Variants in SLC9A9 observed in about 807,000 individuals in gnomAD.
SLC9A9 encodes solute carrier family 9 member A9, also known as sodium/hydrogen exchanger 9.
In SLC9A9, 62 loss-of-function variants were observed where a neutral mutation model predicts 77.8. The ratio of observed to expected loss-of-function variants is 0.80; its 90% CI spans 0.65 to 0.98. The LOEUF is 0.98. Ranked by LOEUF, SLC9A9 falls within the 50% of genes least tolerant of loss-of-function variation. The pLI is 0.00. For missense variants in SLC9A9, 775 were observed against 774.9 expected, an observed-to-expected ratio of 1.00 and a Z score of 0.00; for synonymous variants, 320 against 283.5, an observed-to-expected ratio of 1.13 and a Z score of -1.29.
chr3:143,791,076 G>A (rs1322664593), intron 4 of SLC9A9, among the ~76,000 whole-genome samples: 1 of 152,184 alleles, frequency 6.6e-6, no homozygotes, highest in African/African-American at 2.4e-5. Flanking sequence ...TCCCCAAGAT[G>A]GAGGACATGA....
intron 4 of SLC9A9, among the ~76,000 whole-genome samples, chr3:143,754,930 G>C (rs745782641): frequency 6.6e-6 from 1 of 152,074 alleles, no homozygotes; most frequent in Non-Finnish European, 1.5e-5. Flanking sequence ...TCCCCCTGTC[G>C]CCTAACATAG....
intron 5 of SLC9A9, among the ~76,000 whole-genome samples, chr3:143,688,804 C>T (rs1031898310): frequency 6.6e-6 from 1 of 152,020 alleles, no homozygotes; most frequent in Non-Finnish European, 1.5e-5. Context: ...CAAAATAAAA[C>T]ATGACAAACC....
intron 4 of SLC9A9, among the ~76,000 whole-genome samples, chr3:143,699,621 G>A (rs571462483): frequency 6.6e-6 from 1 of 152,290 alleles, no homozygotes; most frequent in Non-Finnish European, 1.5e-5. Context: ...TTTCCACAGA[G>A]GAAGTATAAA....
intron 9 of SLC9A9, chr3:143,517,389 A>T: frequency 6.7e-7 from 1 of 1,484,844 alleles, no homozygotes; most frequent in Non-Finnish European, 9.3e-7. Flanking sequence ...CCACCTGGAA[A>T]AGAGCCATAC....
At chr3:143,494,937 A>C (rs963400484) in intron 10 of SLC9A9, among the ~76,000 whole-genome samples, 4 of 152,228 alleles carry the variant, frequency 2.6e-5, no homozygotes, top group African/African-American at 7.2e-5. Flanking sequence ...CAATGAAAAC[A>C]TTTCCAAAGC....
intron 6 of SLC9A9, among the ~76,000 whole-genome samples, chr3:143,603,102 G>C (rs2037869013): frequency 6.6e-6 from 1 of 152,154 alleles, no homozygotes; most frequent in Admixed American, 6.5e-5. Flanking sequence ...ATACCATTTG[G>C]TCCAGGTACA....
chr3:143,350,242 A>C (rs2032411398), intron 14 of SLC9A9, among the ~76,000 whole-genome samples: 1 of 152,080 alleles, frequency 6.6e-6, no homozygotes, highest in Non-Finnish European at 1.5e-5. Context: ...GATTCTATGG[A>C]TTTGAGGCCA....
At chr3:143,790,245 C>T (rs1419716949) in intron 4 of SLC9A9, among the ~76,000 whole-genome samples, 1 of 152,172 alleles carries the variant, frequency 6.6e-6, no homozygotes, top group Non-Finnish European at 1.5e-5. Flanking sequence ...TCAATTAAAC[C>T]TCTTTTCTTT....
chr3:143,286,651 C>T (rs1050879843), intron 14 of SLC9A9, among the ~76,000 whole-genome samples: 19 of 152,092 alleles, frequency 1.2e-4, no homozygotes, highest in African/African-American at 4.6e-4. Flanking sequence ...TGCTGTGGGG[C>T]TATGTTCTTT....
chr3:143,387,991 C>T (rs1314661792), intron 12 of SLC9A9, among the ~76,000 whole-genome samples: 1 of 152,078 alleles, frequency 6.6e-6, no homozygotes, highest in Non-Finnish European at 1.5e-5. Context: ...TCTTTTGAGC[C>T]CCCTGGTGAC....
intron 13 of SLC9A9, among the ~76,000 whole-genome samples, chr3:143,377,503 T>C (rs2033206054): frequency 6.6e-6 from 1 of 152,156 alleles, no homozygotes; most frequent in Non-Finnish European, 1.5e-5. Flanking sequence ...TTTCATGTGC[T>C]GCAGTGACCA....
intron 9 of SLC9A9, among the ~76,000 whole-genome samples, chr3:143,498,180 G>T (rs921809056): frequency 4.6e-5 from 7 of 152,234 alleles, no homozygotes; most frequent in African/African-American, 1.4e-4. Flanking sequence ...TTGCATTAAG[G>T]TCCGTTTTTG....
At chr3:143,745,659 C>T (rs1459360662) in intron 4 of SLC9A9, among the ~76,000 whole-genome samples, 1 of 152,190 alleles carries the variant, frequency 6.6e-6, no homozygotes, top group Non-Finnish European at 1.5e-5. Flanking sequence ...AGGTGCCAAC[C>T]TTGAGCCATA....
intron 12 of SLC9A9, among the ~76,000 whole-genome samples, chr3:143,417,647 A>G (rs1274771614): frequency 6.6e-6 from 1 of 151,990 alleles, no homozygotes; most frequent in Non-Finnish European, 1.5e-5. Context: ...GGACAGTGAG[A>G]AGGTGGCTGT....
At chr3:143,783,108 G>A (rs570395757) in intron 4 of SLC9A9, among the ~76,000 whole-genome samples, 10 of 152,226 alleles carry the variant, frequency 6.6e-5, no homozygotes, top group Admixed American at 2.0e-4. Flanking sequence ...CAGAACGACC[G>A]TTAAAAGCGC....
intron 4 of SLC9A9, among the ~76,000 whole-genome samples, chr3:143,725,025 G>GC (rs1299049489): frequency 3.3e-5 from 5 of 152,012 alleles, no homozygotes; most frequent in African/African-American, 7.3e-5. Context: ...CCTGCCCCCA[G>GC]CCCCCCCACT....
chr3:143,412,544 A>G (rs1055250412), intron 12 of SLC9A9, among the ~76,000 whole-genome samples: 13 of 152,134 alleles, frequency 8.5e-5, no homozygotes, highest in African/African-American at 2.9e-4. Context: ...CCACACTGCA[A>G]ATCCCTCAGA....
intron 5 of SLC9A9, among the ~76,000 whole-genome samples, chr3:143,691,164 C>T (rs1933450298): frequency 6.6e-6 from 1 of 152,100 alleles, no homozygotes; most frequent in South Asian, 2.1e-4. Context: ...AGTGATCCTC[C>T]CACCTCAGCC....
intron 13 of SLC9A9, chr3:143,381,522 C>T (rs2033303425): frequency 6.3e-6 from 1 of 158,106 alleles, no homozygotes; most frequent in Admixed American, 6.1e-5. Context: ...TGAAAATGAA[C>T]TAATATATGA....
Sources: gnomAD v4.1 joint callset for allele counts (sites outside exome capture counted in the v4.1 genomes callset) on GRCh38, gnomAD v4.1.1 for gene constraint, MANE v1.5 for transcripts, NCBI Gene and HGNC (gene_info 2026-07-23, HGNC 2026-07-21) for gene names.